PAFAH2: variants seen among roughly 807,000 people sequenced by gnomAD.
The protein encoded by PAFAH2 is platelet activating factor acetylhydrolase 2.
A neutral mutation model predicts 49.0 loss-of-function variants in PAFAH2; 42 were observed. The observed-to-expected ratio is 0.86, with a 90% CI of 0.67 to 1.11. The LOEUF (loss-of-function observed/expected upper bound fraction) is 1.11, where lower values mean the gene tolerates loss of function less well. Among genes scored for constraint, PAFAH2 ranks in the 50% least tolerant of loss-of-function variants. PAFAH2 has a pLI of 0.00. For missense variants in PAFAH2, 503 were observed against 501.8 expected (o/e 1.00, Z -0.02); for synonymous variants, 184 against 181.3 (o/e 1.01, Z -0.12).
chr1:25,993,364 C>T (rs1307675051), intron 1 of PAFAH2, among the ~76,000 whole-genome samples: 1 of 152,074 alleles, frequency 6.6e-6, no homozygotes, highest in African/African-American at 2.4e-5. Context: ...CGTCAATCCC[C>T]TCCACAATCG....
intron 10 of PAFAH2, among the ~76,000 whole-genome samples, chr1:25,965,519 G>A (rs1000481173): frequency 6.6e-6 from 1 of 152,222 alleles, no homozygotes; most frequent in Middle Eastern, 3.4e-3. Context: ...CTAATATCCA[G>A]AATCTATAAG....
intron 2 of PAFAH2, 89 bp from the exon 3 acceptor site, chr1:25,989,690 G>T: frequency 9.5e-7 from 1 of 1,048,076 alleles, no homozygotes; most frequent in Non-Finnish European, 1.3e-6. Flanking sequence ...TGGGGCACCA[G>T]CAAAACAGGG....
chr1:25,982,582 C>A, intron 6 of PAFAH2, 105 bp from the exon 7 acceptor site: 10 of 844,370 alleles, frequency 1.2e-5, no homozygotes, highest in Non-Finnish European at 1.5e-5. Flanking sequence ...AGTCTACCCA[C>A]CCACGCCTCA....
At chr1:25,967,777 A>T (rs897323704) in intron 10 of PAFAH2, among the ~76,000 whole-genome samples, 1 of 152,148 alleles carries the variant, frequency 6.6e-6, no homozygotes, top group South Asian at 2.1e-4. Flanking sequence ...ATGGGTGGCA[A>T]CTGCAGGGGA....
intron 1 of PAFAH2, among the ~76,000 whole-genome samples, chr1:25,996,628 C>G (rs937695050): frequency 2.0e-5 from 3 of 151,788 alleles, no homozygotes; most frequent in Non-Finnish European, 4.4e-5. Flanking sequence ...GGCGACAGAG[C>G]GAGACTCCAT....
intron 7 of PAFAH2, among the ~76,000 whole-genome samples, chr1:25,981,227 AAT>A (rs919844388): frequency 3.3e-5 from 5 of 152,228 alleles, no homozygotes; most frequent in East Asian, 1.9e-4. Context: ...GTGTAAAAAA[AAT>A]ATACACATAT....
chr1:25,977,973 C>T (rs1487724401), intron 7 of PAFAH2, among the ~76,000 whole-genome samples: 2 of 152,108 alleles, frequency 1.3e-5, no homozygotes, highest in Non-Finnish European at 2.9e-5. Flanking sequence ...ATGCTTCACA[C>T]GTATCTATTT....
At chr1:25,974,744 G>T (rs1459992996) in intron 8 of PAFAH2, 94 bp from the exon 9 acceptor site, 28 of 1,249,268 alleles carry the variant, frequency 2.2e-5, no homozygotes, top group Non-Finnish European at 3.1e-5. Context: ...TCCCTCTGGT[G>T]GGGTAAAGGC....
chr1:25,969,013 A>C (rs1221060596), intron 10 of PAFAH2, among the ~76,000 whole-genome samples: 1 of 152,196 alleles, frequency 6.6e-6, no homozygotes, highest in East Asian at 1.9e-4. Context: ...ACACAAGTCT[A>C]ATCACAACAT....
intron 10 of PAFAH2, among the ~76,000 whole-genome samples, chr1:25,966,036 T>A (rs1183578351): frequency 6.6e-6 from 1 of 151,726 alleles, no homozygotes; most frequent in African/African-American, 2.4e-5. Context: ...TCAACATCAC[T>A]AACCGTCAGA....
At chr1:25,985,049 G>C (rs937582652) in intron 4 of PAFAH2, among the ~76,000 whole-genome samples, 4 of 151,862 alleles carry the variant, frequency 2.6e-5, no homozygotes, top group African/African-American at 9.7e-5. Context: ...AGTAGAGGTG[G>C]GGTTTTACCA....
At chr1:25,984,115 A>C (rs2049740766) in intron 5 of PAFAH2, 28 bp from the exon 6 acceptor site, 1 of 1,612,452 alleles carries the variant, frequency 6.2e-7, no homozygotes, top group Non-Finnish European at 8.5e-7. Flanking sequence ...TCAGAGAGAA[A>C]CCAGAAAACA....
At chr1:25,963,905 G>C (rs1216827091) in intron 10 of PAFAH2, among the ~76,000 whole-genome samples, 2 of 152,188 alleles carry the variant, frequency 1.3e-5, no homozygotes, top group Non-Finnish European at 2.9e-5. Flanking sequence ...CTATCTGAGA[G>C]GAATGTTCTA....
At position 25,967,437 on chromosome 1, in the gene PAFAH2, T is replaced by C. The variant is rs558667699; in HGVS notation, c.1084+5121A>G. The stretch of plus-strand genomic sequence containing the variant: ...AAGCCATTAGAAGAGGTCCAGGCAC[T>C]GGGCCCCGCAAGCAGCACAGCAGAT... On this transcript the variant is annotated intron_variant, in intron 10 of 10. Transcript: ENST00000374282. Among the ~76,000 whole-genome samples, 11 of 152,252 alleles carry C rather than the reference T, an allele frequency of 7.2e-5. No individual in the cohort carries two copies. In the East Asian group the frequency reaches 1.9e-3, roughly 27 times the overall value.
chr1:25,982,317 G>T, intron 7 of PAFAH2, 47 bp downstream of exon 7: 2 of 1,373,630 alleles, frequency 1.5e-6, no homozygotes, highest in South Asian at 2.3e-5. Context: ...TTGTAACCGA[G>T]AAAACCCTGA....
At chr1:25,984,657 G>T in intron 4 of PAFAH2, 129 bp from the exon 5 acceptor site, 1 of 666,652 alleles carries the variant, frequency 1.5e-6, no homozygotes, top group Non-Finnish European at 2.7e-6. Flanking sequence ...TCTACCTCTG[G>T]CTTCCTTTCA....
intron 7 of PAFAH2, among the ~76,000 whole-genome samples, chr1:25,980,031 G>C (rs924781469): frequency 1.7e-4 from 26 of 152,328 alleles, no homozygotes; most frequent in African/African-American, 6.0e-4. Context: ...CTAGATTCCA[G>C]GGTCTGCCTT....
At chr1:25,993,683 G>A (rs1232021835) in intron 1 of PAFAH2, among the ~76,000 whole-genome samples, 1 of 152,156 alleles carries the variant, frequency 6.6e-6, no homozygotes, top group Non-Finnish European at 1.5e-5. Context: ...TGTTCAGCCA[G>A]AGTGAAGGGG....
In PAFAH2 at chr1:25,984,849, T is replaced by C. The variant is rs557263082; in HGVS notation, c.342-321A>G. 6.1e-3 allele frequency among the ~76,000 whole-genome samples: 881 copies of C among 144,872 alleles called. 3 individuals are homozygous for C. Among genetic ancestry groups the C allele is most frequent in the Non-Finnish European group, 8.9e-3 (587 of 65,788 alleles). On this transcript the variant is annotated intron_variant, in intron 4 of 10. Transcript: ENST00000374282. ...ACTTCAGAGCCAGAGAGATTTCTTT[T>C]TTTTTTTTTTTTTTTTTGAGACAGA...
Sources: allele counts gnomAD v4.1 joint callset (sites outside exome capture counted in the v4.1 genomes callset), GRCh38; gene constraint gnomAD v4.1.1; transcripts MANE v1.5; gene names NCBI Gene and HGNC (gene_info 2026-07-23, HGNC 2026-07-21).